Variants in NUBP2 observed in about 807,000 individuals in gnomAD.
NUBP2 encodes cytosolic Fe-S cluster assembly factor NUBP2.
Under a neutral mutation model 24.9 loss-of-function variants are expected in NUBP2, and 23 were observed. The observed-to-expected ratio is 0.92, with a 90% CI of 0.66 to 1.31. The LOEUF is 1.31. NUBP2 is among the 50% of genes most tolerant of loss of function. NUBP2 has a pLI of 0.00. For missense variants in NUBP2, 403 were observed against 386.5 expected (o/e 1.04, Z -0.36); for synonymous variants, 186 against 170.9 (o/e 1.09, Z -0.69).
At chr16:1,786,032 C>G (rs1038122332) in intron 1 of NUBP2, 1 of 1,171,984 alleles carries the variant, frequency 8.5e-7, no homozygotes, top group East Asian at 5.9e-5. Context: ...CCTCACTTAC[C>G]GCACATTGCA....
At position 1,787,696 on chromosome 16, in the gene NUBP2, G is replaced by T; in HGVS notation, c.354G>T (p.Val118=). Residue 118 remains valine, a synonymous_variant, in exon 4 of 7, where the codon GTG becomes GTT. Coordinates refer to ENST00000262302, the MANE Select transcript of NUBP2 (RefSeq NM_012225.4). ...PKKNALIKQF[V]SDVAWGELDY... ...TTGCAGCGCTGATAAAGCAGTTTGTGTCCGACGTGGCCTGGGGGGAGCTGG... is the reference window on the plus strand; with the variant it reads ...TTGCAGCGCTGATAAAGCAGTTTGTTTCCGACGTGGCCTGGGGGGAGCTGG... 6.2e-7 allele frequency: 1 copy of T among 1,612,590 alleles called. No individual in the cohort carries two copies.
At position 1,788,740 on chromosome 16, in the gene NUBP2, C is replaced by CACCA. The variant is rs751984390; in HGVS notation, c.*27_*28insCCAA. On this transcript the variant is annotated 3_prime_UTR_variant, in exon 7 of 7. Coordinates refer to ENST00000262302, the MANE Select transcript of NUBP2 (RefSeq NM_012225.4). Reference sequence around the variant, plus strand: ...CTAAGGCCACCTTGCAGCCGCTTTCCAGGGCCACCAAGGGCTCTGCTCCAG... The same window carrying CACCA: ...CTAAGGCCACCTTGCAGCCGCTTTCCACCAAGGGCCACCAAGGGCTCTGCTCCAG... The CACCA allele has an allele frequency of 6.3e-7, 1 of 1,598,232 alleles. No homozygotes were observed. The highest frequency in any genetic ancestry group is 1.7e-5 in the Admixed American group (1 of 59,212).
At chr16:1,787,869 C>T (rs1567236894) in intron 4 of NUBP2, 38 bp downstream of exon 4, 3 of 1,601,748 alleles carry the variant, frequency 1.9e-6, no homozygotes, top group East Asian at 2.2e-5. Context: ...CTGTGGGTGG[C>T]TTCCCAGAGG....
rs545466792 is a variant in NUBP2, at chr16:1,787,211, G to A, written c.334+256G>A. 20 of 452,924 alleles carry A rather than the reference G, an allele frequency of 4.4e-5. 1 individual carries two copies. Among genetic ancestry groups the A allele is most frequent in the East Asian group, 4.1e-4 (12 of 29,390 alleles). The allele number at this position is 452,924 out of a possible 1,614,324, so 28.1% of individuals were successfully genotyped here. A position where few individuals can be genotyped will look rare whatever the true frequency, so the allele number is the denominator to read the frequency against. On this transcript the variant is annotated intron_variant, in intron 3 of 6. Transcript: ENST00000262302. ...TGGCCATGGCATGCAGGGACCTGAG[G>A]CCCCAGTGTGGCAGGTCATAGGGGC...
intron 1 of NUBP2, 155 bp downstream of exon 1, chr16:1,783,191 T>C (rs1234600019): frequency 1.3e-5 from 15 of 1,175,664 alleles, no homozygotes; most frequent in Non-Finnish European, 1.6e-5. Context: ...GCGCGGGCAT[T>C]TTCTAAACAG....
At chr16:1,783,245 A>G (rs1896805779) in intron 1 of NUBP2, 6 of 1,161,706 alleles carry the variant, frequency 5.2e-6, no homozygotes, top group Non-Finnish European at 6.4e-6. Flanking sequence ...AAGCTCCGTG[A>G]TCTCGGAGGG....
At chr16:1,785,757 T>C in intron 1 of NUBP2, 1 of 1,289,094 alleles carries the variant, frequency 7.8e-7, no homozygotes, top group Non-Finnish European at 1.0e-6. Flanking sequence ...CTTGGGAGCC[T>C]TTGAACGTGC....
rs1897122262 is a variant in NUBP2, at chr16:1,788,766, C to T, written c.*52C>T. On this transcript the variant is annotated 3_prime_UTR_variant, in exon 7 of 7. Coordinates refer to ENST00000262302, the MANE Select transcript of NUBP2 (RefSeq NM_012225.4). Reference sequence around the variant, plus strand: ...AGGGCCACCAAGGGCTCTGCTCCAGCCTCTCAGAGAAACAGAGGCCTGGGC... The same window carrying T: ...AGGGCCACCAAGGGCTCTGCTCCAGTCTCTCAGAGAAACAGAGGCCTGGGC... 12 of 1,559,718 alleles carry T rather than the reference C, an allele frequency of 7.7e-6. No homozygotes were observed. Among genetic ancestry groups the T allele is most frequent in the Non-Finnish European group, 9.5e-6 (11 of 1,152,136 alleles).
At chr16:1,783,655 G>A (rs1200220082) in intron 1 of NUBP2, 5 of 272,818 alleles carry the variant, frequency 1.8e-5, no homozygotes, top group Non-Finnish European at 2.2e-5. Context: ...CGGACAGCAA[G>A]GTCTTGCAGC....
chr16:1,788,378 G>C (rs553881690), intron 6 of NUBP2, among the ~76,000 whole-genome samples, 171 bp downstream of exon 6: 1 of 152,146 alleles, frequency 6.6e-6, no homozygotes, highest in Non-Finnish European at 1.5e-5. Context: ...TCATTCGCCC[G>C]CGCCCTTCTC....
chr16:1,788,947 G>A lies in NUBP2; in HGVS notation c.*233G>A, dbSNP rs1269417388. The A allele has an allele frequency of 5.6e-6, 3 of 532,188 alleles. No individual in the cohort carries two copies. Among genetic ancestry groups the A allele is most frequent in the Middle Eastern group, 4.8e-4 (1 of 2,084 alleles). The allele number at this position is 532,188 out of a possible 1,614,324, so 33.0% of individuals were successfully genotyped here. On this transcript the variant is annotated 3_prime_UTR_variant, in exon 7 of 7. Coordinates refer to ENST00000262302, the MANE Select transcript of NUBP2 (RefSeq NM_012225.4). ...GCTCTGCAGCTGTGAGACGGGGGCG[G>A]CCTGGGCTCTCTTCCCATCCATGTT...
At chr16:1,784,999 C>G (rs957844559) in intron 1 of NUBP2, 1 of 781,628 alleles carries the variant, frequency 1.3e-6, no homozygotes, top group Non-Finnish European at 1.6e-6. Context: ...TTGCAGTGAG[C>G]CGAGATTGCG....
At chr16:1,785,497 C>G (rs933878946) in intron 1 of NUBP2, 11 of 1,192,588 alleles carry the variant, frequency 9.2e-6, no homozygotes, top group Non-Finnish European at 1.2e-5. Flanking sequence ...GACAGAGTCC[C>G]CGGCAGCTAC....
At position 1,788,824 on chromosome 16, in the gene NUBP2, G is replaced by A; in HGVS notation, c.*110G>A. On this transcript the variant is annotated 3_prime_UTR_variant, in exon 7 of 7. Transcript: ENST00000262302. ...CCGGGCCCTGCAGGGGCAGGCCCAGGCAGCGTCAGCCGGAGAGCTTCTCCC... is the reference window on the plus strand; with the variant it reads ...CCGGGCCCTGCAGGGGCAGGCCCAGACAGCGTCAGCCGGAGAGCTTCTCCC... 1 of 1,347,734 alleles carries A rather than the reference G, an allele frequency of 7.4e-7. No individual in the cohort carries two copies. 83.5% of individuals were successfully genotyped at this position (1,347,734 alleles called of 1,614,324 possible). A position where few individuals can be genotyped will look rare whatever the true frequency, so the allele number is the denominator to read the frequency against.
chr16:1,787,640 C>A (rs200353730), intron 3 of NUBP2, 37 bp from the exon 4 acceptor site: 22 of 1,606,988 alleles, frequency 1.4e-5, no homozygotes, highest in Non-Finnish European at 1.7e-5. Flanking sequence ...TGCAGACCTG[C>A]CCTGCCCTGA....
At chr16:1,785,341 C>G (rs1260140312) in intron 1 of NUBP2, 6 of 1,100,226 alleles carry the variant, frequency 5.5e-6, no homozygotes, top group Non-Finnish European at 6.7e-6. Flanking sequence ...GTTCCTGACA[C>G]TAAGGCCTGC....
At chr16:1,788,267 G>A in intron 6 of NUBP2, 60 bp downstream of exon 6, 1 of 1,411,082 alleles carries the variant, frequency 7.1e-7, no homozygotes, top group South Asian at 1.5e-5. Context: ...GCCCTGGGCG[G>A]GTTTGACCTC....
Position 1,787,954 on chromosome 16 carries a change from G to C in NUBP2, c.503G>C (p.Gly168Ala). 1 of 1,605,072 alleles carries C rather than the reference G, an allele frequency of 6.2e-7. No individual in the cohort carries two copies. The highest frequency in any genetic ancestry group is 8.5e-7 in the Non-Finnish European group (1 of 1,177,284). The change falls in exon 5 of 7, where the codon GGG (glycine) becomes GCG (alanine). Residue 168 changes from glycine (G) to alanine (A), a missense_variant. Transcript: ENST00000262302. ...VVTTPQAVSV[G>A]DVRRELTFCR... Reference sequence around the variant, plus strand: ...CCTGCCCCGCAGGCGGTGTCCGTGGGGGACGTGAGGCGCGAGCTGACCTTC... The same window carrying C: ...CCTGCCCCGCAGGCGGTGTCCGTGGCGGACGTGAGGCGCGAGCTGACCTTC...
At chr16:1,785,359 A>G (rs1896912115) in intron 1 of NUBP2, 3 of 1,129,146 alleles carry the variant, frequency 2.7e-6, no homozygotes, top group Non-Finnish European at 3.3e-6. Flanking sequence ...TGCATTTACC[A>G]TGGTGCTCAG....
Sources: gnomAD v4.1 joint callset for allele counts (sites outside exome capture counted in the v4.1 genomes callset) on GRCh38, gnomAD v4.1.1 for gene constraint, MANE v1.5 for transcripts, NCBI Gene and HGNC (gene_info 2026-07-23, HGNC 2026-07-21) for gene names.